The following DUT variants were observed in gnomAD, a reference collection of about 807,000 sequenced individuals.
DUT encodes deoxyuridine triphosphatase.
Under a neutral mutation model 28.8 loss-of-function variants are expected in DUT, and 21 were observed. The ratio of observed to expected loss-of-function variants is 0.73; its 90% CI spans 0.52 to 1.05. The LOEUF (loss-of-function observed/expected upper bound fraction) is 1.05, where lower values mean the gene tolerates loss of function less well. DUT is among the 50% of genes least tolerant of loss of function. The pLI is 0.00. For synonymous variants in DUT, 147 were observed against 143.7 expected, an observed-to-expected ratio of 1.02 and a Z score of -0.17; for missense variants, 344 against 351.8, an observed-to-expected ratio of 0.98 and a Z score of 0.18.
chr15:48,331,648 C>T lies in DUT; in HGVS notation c.133C>T (p.Leu45Phe). ...GGTACTCTCCGGGCCAGGCCCGCCC[C>T]TCGGCCGCGCCGCGCAGCACGGGAT... ...AAVLSGPGPP[L>F]GRAAQHGIPR... Residue 45 changes from leucine to phenylalanine, a missense_variant, in exon 1 of 7, where the codon CTC becomes TTC. By Grantham distance (22) the Leu-to-Phe change is conservative. Transcript: ENST00000331200. The T allele has an allele frequency of 6.5e-7, 1 of 1,539,564 alleles. No individual in the cohort carries two copies. Among genetic ancestry groups the T allele is most frequent in the Non-Finnish European group, 8.8e-7 (1 of 1,142,598 alleles).
At chr15:48,341,931 T>C in intron 6 of DUT, 91 bp from the exon 7 acceptor site, 1 of 937,170 alleles carries the variant, frequency 1.1e-6, no homozygotes, top group Non-Finnish European at 1.6e-6. Flanking sequence ...AAGAGTAGAA[T>C]TCTGGCTGTA....
chr15:48,334,791 T>G (rs527897366), intron 3 of DUT, among the ~76,000 whole-genome samples: 1 of 152,330 alleles, frequency 6.6e-6, no homozygotes, highest in Middle Eastern at 3.4e-3. Context: ...AGAGTAAAAC[T>G]TCTGACCTGT....
At chr15:48,341,647 A>G (rs996550755) in intron 6 of DUT, 62 bp downstream of exon 6, 5 of 1,349,730 alleles carry the variant, frequency 3.7e-6, no homozygotes, top group Admixed American at 1.9e-5. Context: ...AGAAATATAT[A>G]TAATCTTGAG....
rs1425549564 is a variant in DUT, at chr15:48,331,499, C to G, written c.-17C>G. The G allele has an allele frequency of 6.2e-7, 1 of 1,611,338 alleles. No homozygotes were observed. ...CCGGAGGTGCCGAGGACCCAACCAG[C>G]CCAAACTCTGGGGGAAATGACTCCC... On this transcript the variant is annotated 5_prime_UTR_variant, in exon 1 of 7. Transcript: ENST00000331200.
chr15:48,333,026 T>C (rs1183082192), intron 2 of DUT, among the ~76,000 whole-genome samples: 1 of 152,144 alleles, frequency 6.6e-6, no homozygotes, highest in Non-Finnish European at 1.5e-5. Context: ...CTGAATTGAT[T>C]TCCCCAGAGG....
intron 4 of DUT, among the ~76,000 whole-genome samples, chr15:48,336,787 G>A (rs922986570): frequency 1.3e-5 from 2 of 152,148 alleles, no homozygotes; most frequent in Admixed American, 6.5e-5. Flanking sequence ...ACATAAGTAG[G>A]TGTGCTAGAT....
Position 48,340,194 on chromosome 15 carries a change from G to A in DUT, c.557-1095G>A, listed in dbSNP as rs556712142. 5.3e-5 allele frequency: 8 copies of A among 152,228 alleles called. No homozygotes were observed. The East Asian group carries it at 1.2e-3, about 22-fold the overall frequency. The allele number at this position is 152,228 out of a possible 1,614,324, so 9.4% of individuals were successfully genotyped here. ...AATAACAAGTAAGATGTGACATGGA[G>A]CTGTCTTCAGTTAGATTCACGTGAG... On this transcript the variant is annotated intron_variant, in intron 4 of 6. Transcript: ENST00000331200.
chr15:48,335,025 A>G (rs2042459828), intron 3 of DUT, among the ~76,000 whole-genome samples: 1 of 152,216 alleles, frequency 6.6e-6, no homozygotes, highest in Admixed American at 6.5e-5. Context: ...AAAGGAGGCA[A>G]TGGAGCTGTG....
At chr15:48,332,229 C>T in intron 1 of DUT, 39 bp from the exon 2 acceptor site, 2 of 1,563,548 alleles carry the variant, frequency 1.3e-6, no homozygotes, top group Non-Finnish European at 1.7e-6. Flanking sequence ...CGGTGGTCTC[C>T]TCGCTCGCCT....
intron 4 of DUT, among the ~76,000 whole-genome samples, chr15:48,337,525 T>C (rs2042488334): frequency 6.6e-6 from 1 of 152,252 alleles, no homozygotes; most frequent in Non-Finnish European, 1.5e-5. Context: ...ATGAAATACC[T>C]AATATAGTAC....
chr15:48,331,322 G>A (rs994572260), upstream of DUT: 4 of 1,441,394 alleles, frequency 2.8e-6, no homozygotes, highest in Non-Finnish European at 3.6e-6. Flanking sequence ...AGACGCCAAC[G>A]GCGCCGTCTT....
rs1018177818 is a variant in DUT, at chr15:48,341,939, G to A, written c.703-83G>A. 1.1e-5 allele frequency: 11 copies of A among 1,014,798 alleles called. No homozygotes were observed. In the African/African-American group the frequency reaches 1.4e-4, roughly 13 times the overall value. The allele number at this position is 1,014,798 out of a possible 1,614,324, so 62.9% of individuals were successfully genotyped here. ...ATATAGCAAGAGTAGAATTCTGGCT[G>A]TATTTTTCTTAGGAGCTGGAGAGGA... On this transcript the variant is annotated intron_variant, in intron 6 of 6. Transcript: ENST00000331200.
At chr15:48,331,820 CG>C in intron 1 of DUT, 25 bp downstream of exon 1, 1 of 1,232,052 alleles carries the variant, frequency 8.1e-7, no homozygotes, top group Non-Finnish European at 1.0e-6. Context: ...GGAGGGGCTC[CG>C]GCCGTCTGGA....
chr15:48,339,602 A>T (rs1161244820), intron 4 of DUT, among the ~76,000 whole-genome samples: 2 of 152,140 alleles, frequency 1.3e-5, no homozygotes, highest in African/African-American at 4.8e-5. Flanking sequence ...AAATTTTTTC[A>T]TAAATATTAA....
At chr15:48,337,494 G>T (rs190827590) in intron 4 of DUT, among the ~76,000 whole-genome samples, 52 of 152,284 alleles carry the variant, frequency 3.4e-4, no homozygotes, top group Middle Eastern at 3.4e-3. Flanking sequence ...CTAGAGGTAG[G>T]AGGATTAAAT....
chr15:48,334,839 G>T (rs1408184828), intron 3 of DUT, among the ~76,000 whole-genome samples: 1 of 152,146 alleles, frequency 6.6e-6, no homozygotes, highest in Non-Finnish European at 1.5e-5. Flanking sequence ...ACCTTTTCTT[G>T]TTTGGCCATG....
rs1193375853 is a variant in DUT at position 48,341,325 on chromosome 15, G to T, written c.593G>T (p.Gly198Val). Residue 198 changes from glycine (G) to valine (V), a missense_variant, in exon 5 of 7, where the codon GGT (glycine) becomes GTT (valine). Gly to Val is a moderately radical substitution (Grantham distance 109). Coordinates refer to ENST00000331200, the MANE Select transcript of DUT (RefSeq NM_001025248.2). ...VIDEDYRGNV[G>V]VVLFNFGKEK... Reference sequence around the variant, plus strand: ...GATGAAGATTATAGAGGAAATGTTGGTGTTGTACTGTTTAATTTTGGCAAA... The same window carrying T: ...GATGAAGATTATAGAGGAAATGTTGTTGTTGTACTGTTTAATTTTGGCAAA... The T allele has an allele frequency of 2.5e-6, 4 of 1,610,800 alleles. No individual in the cohort carries two copies. The highest frequency in any genetic ancestry group is 3.4e-6 in the Non-Finnish European group (4 of 1,177,928).
upstream of DUT, chr15:48,331,101 A>T: frequency 9.6e-7 from 1 of 1,040,170 alleles, no homozygotes; most frequent in South Asian, 2.4e-5. Flanking sequence ...GGGCGCAATA[A>T]CTGTCACCGG....
At position 48,332,325 on chromosome 15, in the gene DUT, A is replaced by T; in HGVS notation, c.338A>T (p.Gln113Leu). Residue 113 changes from glutamine (Q) to leucine (L), a missense_variant, in exon 2 of 7, where the codon CAG (glutamine) becomes CTG (leucine). Physicochemically the swap from Gln to Leu is moderately radical, Grantham distance 113 (BLOSUM62 -2). Coordinates refer to ENST00000331200, the MANE Select transcript of DUT (RefSeq NM_001025248.2). ...CGGCCTGCGGAGGTGGGCGGCATGC[A>T]GCTCCGCTTTGCCCGGCTCTCCGAG... ...RARPAEVGGM[Q>L]LRFARLSEHA... 6.2e-7 allele frequency: 1 copy of T among 1,608,102 alleles called. No individual in the cohort carries two copies. Among genetic ancestry groups the T allele is most frequent in the Non-Finnish European group, 8.5e-7 (1 of 1,178,134 alleles).
Sources: allele counts gnomAD v4.1 joint callset (sites outside exome capture counted in the v4.1 genomes callset), GRCh38; gene constraint gnomAD v4.1.1; transcripts MANE v1.5; gene names NCBI Gene and HGNC (gene_info 2026-07-23, HGNC 2026-07-21).